SEMA3A: variants seen among roughly 807,000 people sequenced by gnomAD.
SEMA3A encodes the protein semaphorin-3A.
Under a neutral mutation model 97.9 loss-of-function variants are expected in SEMA3A, and 29 were observed. The ratio of observed to expected loss-of-function variants is 0.30; its 90% confidence interval spans 0.22 to 0.40. The LOEUF is 0.40. SEMA3A is among the 10% of genes least tolerant of loss of function. The probability of loss-of-function intolerance (pLI) is 1.00; values close to 1 mark genes in which losing one functional copy is unlikely to be tolerated. For synonymous variants in SEMA3A, 321 were observed against 323.7 expected, an observed-to-expected ratio of 0.99 and a Z score of 0.09; for missense variants, 763 against 951.3, an observed-to-expected ratio of 0.80 and a Z score of 2.60.
chr7:84,111,225 T>C (rs568600792), intron 3 of SEMA3A, among the ~76,000 whole-genome samples: 2 of 152,296 alleles, frequency 1.3e-5, no homozygotes, highest in South Asian at 4.1e-4. Flanking sequence ...TATGTAACTA[T>C]AGATGCAGTT....
intron 2 of SEMA3A, among the ~76,000 whole-genome samples, chr7:84,334,260 A>C (rs1195556611): frequency 6.6e-6 from 1 of 152,064 alleles, no homozygotes. Flanking sequence ...ATATATTAAT[A>C]AATTTTATGT....
At chr7:84,440,745 A>G (rs958050066) in intron 1 of SEMA3A, among the ~76,000 whole-genome samples, 1 of 152,178 alleles carries the variant, frequency 6.6e-6, no homozygotes, top group African/African-American at 2.4e-5. Context: ...ACAACAAAAA[A>G]GGGCAGCAAA....
chr7:84,369,901 T>A (rs1263025572), intron 2 of SEMA3A, among the ~76,000 whole-genome samples: 2 of 150,964 alleles, frequency 1.3e-5, no homozygotes, highest in Non-Finnish European at 3.0e-5. Context: ...TCAACTGAGA[T>A]GATTCAGAAA....
At chr7:84,220,347 C>T (rs1554347624) in intron 3 of SEMA3A, among the ~76,000 whole-genome samples, 1 of 152,058 alleles carries the variant, frequency 6.6e-6, no homozygotes, top group Non-Finnish European at 1.5e-5. Context: ...TCTTAAAATC[C>T]TCAAAGTCAT....
rs1358592277 is a variant in SEMA3A at position 84,240,239 on chromosome 7, A to C, written c.-82-45571T>G. On this transcript the variant is annotated intron_variant, in intron 3 of 3. Transcript: ENST00000424555. Reference sequence around the variant, plus strand: ...ACTTGTTATGCATAATTTTTAAAAAAAGATTTTAGTAGGTTGAATAATGGC... The same window carrying C: ...ACTTGTTATGCATAATTTTTAAAAACAGATTTTAGTAGGTTGAATAATGGC... Among the ~76,000 whole-genome samples the C allele has an allele frequency of 2.0e-5, 3 of 152,210 alleles. No homozygotes were observed. The East Asian group carries it at 5.8e-4, about 29-fold the overall frequency.
chr7:84,285,088 T>A (rs1800545415), intron 3 of SEMA3A, among the ~76,000 whole-genome samples: 1 of 152,174 alleles, frequency 6.6e-6, no homozygotes, highest in Non-Finnish European at 1.5e-5. Context: ...ATTTATTTTA[T>A]TTTATTATTT....
At chr7:83,994,914 C>G (rs1484410492) in intron 12 of SEMA3A, among the ~76,000 whole-genome samples, 6 of 152,110 alleles carry the variant, frequency 3.9e-5, no homozygotes, top group Admixed American at 3.9e-4. Context: ...CCTCCCCCAG[C>G]CTAGCTGCCG....
chr7:83,983,221 TTTTCTTTC>T (rs375603927), intron 13 of SEMA3A, among the ~76,000 whole-genome samples: 1 of 117,748 alleles, frequency 8.5e-6, no homozygotes, highest in Non-Finnish European at 2.1e-5. Context: ...TTCCTTTTCT[TTTTCTTTC>T]TTTCTTTCTT....
intron 4 of SEMA3A, among the ~76,000 whole-genome samples, chr7:84,095,700 C>T (rs1794753812): frequency 6.6e-6 from 1 of 151,264 alleles, no homozygotes; most frequent in African/African-American, 2.4e-5. Context: ...CCACTGAATG[C>T]AGAGGTGTGA....
chr7:84,377,844 G>C (rs550261419), intron 1 of SEMA3A, among the ~76,000 whole-genome samples: 2 of 152,256 alleles, frequency 1.3e-5, no homozygotes, highest in African/African-American at 4.8e-5. Flanking sequence ...CTTCAGCTGT[G>C]ACTCAACAGA....
intron 2 of SEMA3A, among the ~76,000 whole-genome samples, chr7:84,323,526 G>T (rs1311206702): frequency 1.3e-5 from 2 of 151,856 alleles, no homozygotes; most frequent in Non-Finnish European, 2.9e-5. Context: ...AGTTCACAAG[G>T]GGGTACTTGC....
chr7:83,969,579 T>C (rs1788841492), intron 15 of SEMA3A, among the ~76,000 whole-genome samples: 1 of 152,144 alleles, frequency 6.6e-6, no homozygotes, highest in African/African-American at 2.4e-5. Context: ...CCTCAAGACA[T>C]AGAGTTATCA....
chr7:84,181,705 A>G (rs898838047), intron 1 of SEMA3A, among the ~76,000 whole-genome samples: 15 of 152,276 alleles, frequency 9.9e-5, no homozygotes, highest in African/African-American at 3.4e-4. Flanking sequence ...GCTATTTTTA[A>G]AAAGTTGTTC....
At chr7:84,206,544 G>A (rs1054668924) in intron 3 of SEMA3A, among the ~76,000 whole-genome samples, 4 of 151,956 alleles carry the variant, frequency 2.6e-5, no homozygotes, top group Non-Finnish European at 5.9e-5. Flanking sequence ...GGATGGTTGC[G>A]ATCTCCTGAC....
At chr7:84,239,231 T>C (rs1167199417) in intron 3 of SEMA3A, among the ~76,000 whole-genome samples, 1 of 152,250 alleles carries the variant, frequency 6.6e-6, no homozygotes, top group Non-Finnish European at 1.5e-5. Context: ...TAATAGTTTT[T>C]TAATTATCTA....
intron 1 of SEMA3A, among the ~76,000 whole-genome samples, chr7:84,476,806 T>G (rs551381797): frequency 6.6e-6 from 1 of 152,030 alleles, no homozygotes; most frequent in African/African-American, 2.4e-5. Context: ...ACAATATCAA[T>G]AATTTGCTCT....
intron 6 of SEMA3A, 87 bp from the exon 7 acceptor site, chr7:84,014,438 CTT>C: frequency 2.0e-6 from 2 of 995,240 alleles, no homozygotes; most frequent in Non-Finnish European, 2.9e-6. Context: ...TTTTTTAACT[CTT>C]AATTGATATA....
At chr7:83,991,797 T>C (rs1789953083) in intron 12 of SEMA3A, among the ~76,000 whole-genome samples, 1 of 137,202 alleles carries the variant, frequency 7.3e-6, no homozygotes, top group South Asian at 2.6e-4. Flanking sequence ...TGGTTGTGTC[T>C]CTGCCTGGCT....
intron 3 of SEMA3A, among the ~76,000 whole-genome samples, chr7:84,119,014 A>C (rs1243982989): frequency 6.6e-6 from 1 of 152,184 alleles, no homozygotes; most frequent in East Asian, 1.9e-4. Flanking sequence ...CTATTTAAAA[A>C]TACACACATG....
Sources: gnomAD v4.1 joint callset for allele counts (sites outside exome capture counted in the v4.1 genomes callset) on GRCh38, gnomAD v4.1.1 for gene constraint, MANE v1.5 for transcripts, NCBI Gene and HGNC (gene_info 2026-07-23, HGNC 2026-07-21) for gene names.